The following PDK1 variants were observed in gnomAD, a reference collection of about 807,000 sequenced individuals.
PDK1 encodes the protein [Pyruvate dehydrogenase (acetyl-transferring)] kinase isozyme 1, mitochondrial.
In PDK1, 39 loss-of-function variants were observed where a neutral mutation model predicts 54.2. The ratio of observed to expected loss-of-function variants is 0.72; its 90% CI spans 0.56 to 0.94. The LOEUF (loss-of-function observed/expected upper bound fraction) is 0.94, where lower values mean the gene tolerates loss of function less well. Among genes scored for constraint, PDK1 ranks in the 40% least tolerant of loss-of-function variants. The pLI, the probability that PDK1 is intolerant of heterozygous loss-of-function variation, is 0.00. For synonymous variants in PDK1, 221 were observed against 207.1 expected (o/e 1.07, Z -0.58); for missense variants, 552 against 566.0 (o/e 0.98, Z 0.25).
chr2:172,573,966 A>G (rs1689438596), intron 8 of PDK1, among the ~76,000 whole-genome samples: 1 of 151,950 alleles, frequency 6.6e-6, no homozygotes, highest in African/African-American at 2.4e-5. Flanking sequence ...TTTTTTTTTC[A>G]CATTGCATGT....
intron 8 of PDK1, among the ~76,000 whole-genome samples, chr2:172,574,412 G>A (rs755483885): frequency 3.9e-5 from 6 of 152,124 alleles, no homozygotes; most frequent in Non-Finnish European, 5.9e-5. Context: ...ATGGGTTCTT[G>A]CATTTCCATG....
the PDK1 span, among the ~76,000 whole-genome samples, chr2:172,660,285 C>T: frequency 1.2e-3 from 102 of 84,722 alleles, 2 homozygotes; most frequent in Non-Finnish European, 1.0e-3. Flanking sequence ...GAGATGGAGC[C>T]TTGCTTTATC....
the PDK1 span, among the ~76,000 whole-genome samples, chr2:172,712,384 C>T: frequency 1.3e-5 from 2 of 152,214 alleles, no homozygotes; most frequent in South Asian, 2.1e-4. Flanking sequence ...GCTCTTTCTG[C>T]TCTCTTGGCC....
chr2:172,671,970 G>T, the PDK1 span, among the ~76,000 whole-genome samples: 2 of 152,156 alleles, frequency 1.3e-5, no homozygotes, highest in East Asian at 1.9e-4. Flanking sequence ...GGATAGGAGA[G>T]AGAAAGTCAG....
At chr2:172,570,898 A>T (rs2149232227) in intron 8 of PDK1, 74 bp downstream of exon 8, 1 of 811,596 alleles carries the variant, frequency 1.2e-6, no homozygotes. Context: ...AGGTAACCAT[A>T]CGCATAATTT....
chr2:172,561,379 G>T (rs1031719996), intron 2 of PDK1, among the ~76,000 whole-genome samples: 1 of 152,192 alleles, frequency 6.6e-6, no homozygotes, highest in African/African-American at 2.4e-5. Flanking sequence ...TTGCTTGTCA[G>T]AAACAGCTTT....
At chr2:172,587,952 T>G (rs1489134483) in intron 9 of PDK1, among the ~76,000 whole-genome samples, 1 of 152,128 alleles carries the variant, frequency 6.6e-6, no homozygotes, top group African/African-American at 2.4e-5. Context: ...GAGTGCTGAT[T>G]GGTATGTTTA....
intron 7 of PDK1, chr2:172,570,486 T>G (rs1689185504): frequency 2.7e-6 from 1 of 374,488 alleles, no homozygotes; most frequent in Non-Finnish European, 4.7e-6. Flanking sequence ...AAAAGTGTTT[T>G]GAAGTCTGAC....
At chr2:172,650,553 A>G in the PDK1 span, among the ~76,000 whole-genome samples, 1 of 152,024 alleles carries the variant, frequency 6.6e-6, no homozygotes, top group African/African-American at 2.4e-5. Context: ...TGGATAGTCA[A>G]AATCCATTAG....
At position 172,600,205 on chromosome 2, in the gene PDK1, CATT is replaced by C. The variant is rs1691065784; in HGVS notation, c.*4239_*4241del. 6.6e-6 allele frequency: 1 copy of C among 152,110 alleles called. No homozygotes were observed. Among genetic ancestry groups the C allele is most frequent in the South Asian group, 2.1e-4 (1 of 4,828 alleles). 9.4% of individuals were successfully genotyped at this position (152,110 alleles called of 1,614,324 possible). On this transcript the variant is annotated 3_prime_UTR_variant, in exon 11 of 11. Coordinates refer to ENST00000282077, the MANE Select transcript of PDK1 (RefSeq NM_002610.5). ...CATGGTTTTGTACTTAGATGTCTCT[CATT>C]ATGGAATTCAGAATGTGACAGTTAT...
At position 172,601,723 on chromosome 2, in the gene PDK1, C is replaced by T. The variant is rs1270103808; in HGVS notation, c.*5754C>T. 2 of 152,158 alleles carry T rather than the reference C, an allele frequency of 1.3e-5. No individual in the cohort carries two copies. Among genetic ancestry groups the T allele is most frequent in the Non-Finnish European group, 2.9e-5 (2 of 68,038 alleles). 9.4% of individuals were successfully genotyped at this position (152,158 alleles called of 1,614,324 possible). A position where few individuals can be genotyped will look rare whatever the true frequency, so the allele number is the denominator to read the frequency against. On this transcript the variant is annotated 3_prime_UTR_variant, in exon 11 of 11. Coordinates refer to ENST00000282077, the MANE Select transcript of PDK1 (RefSeq NM_002610.5). Reference sequence around the variant, plus strand: ...TTAGCTGGGGTAGGTAAAGCCACAGCTGTGGCAGCAACCAGCTAGTGGGTG... The same window carrying T: ...TTAGCTGGGGTAGGTAAAGCCACAGTTGTGGCAGCAACCAGCTAGTGGGTG...
the PDK1 span, among the ~76,000 whole-genome samples, chr2:172,687,189 T>C: frequency 6.6e-6 from 1 of 152,190 alleles, no homozygotes; most frequent in Non-Finnish European, 1.5e-5. Flanking sequence ...ATATATTTTA[T>C]TTGATTTTAA....
chr2:172,568,609 T>C (rs1689088283), intron 6 of PDK1, 132 bp from the exon 7 acceptor site: 1 of 635,474 alleles, frequency 1.6e-6, no homozygotes, highest in Non-Finnish European at 2.8e-6. Context: ...GAAGAAATGG[T>C]GTGGCAGTTC....
chr2:172,593,723 A>G (rs1418162324), intron 10 of PDK1, among the ~76,000 whole-genome samples: 4 of 152,210 alleles, frequency 2.6e-5, no homozygotes, highest in Non-Finnish European at 5.9e-5. Flanking sequence ...AGCTTACCTA[A>G]TGGACACAGA....
chr2:172,672,896 C>CA, the PDK1 span, among the ~76,000 whole-genome samples: 8,021 of 152,188 alleles, frequency 0.053, 405 homozygotes, highest in East Asian at 0.22. Context: ...AGGACATACC[C>CA]AAGTCATACA....
chr2:172,582,017 A>G (rs1180890414), intron 8 of PDK1, among the ~76,000 whole-genome samples: 2 of 152,052 alleles, frequency 1.3e-5, no homozygotes, highest in East Asian at 3.9e-4. Context: ...GGTTCAAGCA[A>G]TTCTCCTGTC....
the PDK1 span, among the ~76,000 whole-genome samples, chr2:172,648,050 C>A: frequency 6.6e-6 from 1 of 151,910 alleles, no homozygotes; most frequent in Non-Finnish European, 1.5e-5. Context: ...TCATGAATGA[C>A]AAAGAAAAAT....
At chr2:172,719,056 C>G in the PDK1 span, among the ~76,000 whole-genome samples, 2 of 152,226 alleles carry the variant, frequency 1.3e-5, no homozygotes, top group South Asian at 2.1e-4. Context: ...CTAGAAGGTA[C>G]TAAAAATTAG....
At chr2:172,558,539 C>T (rs1688477834) in intron 1 of PDK1, among the ~76,000 whole-genome samples, 169 bp from the exon 2 acceptor site, 1 of 152,170 alleles carries the variant, frequency 6.6e-6, no homozygotes, top group African/African-American at 2.4e-5. Flanking sequence ...TTATCTCATC[C>T]CTCGCCTCCC....
Sources: gnomAD v4.1 joint callset for allele counts (sites outside exome capture counted in the v4.1 genomes callset) on GRCh38, gnomAD v4.1.1 for gene constraint, MANE v1.5 for transcripts, NCBI Gene and HGNC (gene_info 2026-07-23, HGNC 2026-07-21) for gene names.